The following DOCK3 variants were observed in gnomAD, a reference collection of about 807,000 sequenced individuals.
DOCK3 encodes the protein dedicator of cytokinesis protein 3.
Under a neutral mutation model 265.6 loss-of-function variants are expected in DOCK3, and 60 were observed. That is an observed-to-expected ratio of 0.23 (90% confidence interval 0.18 to 0.28). The LOEUF (loss-of-function observed/expected upper bound fraction) is 0.28, where lower values mean the gene tolerates loss of function less well. Ranked by LOEUF, DOCK3 falls within the 10% of genes least tolerant of loss-of-function variation. DOCK3 has a pLI of 1.00. For synonymous variants in DOCK3, 881 were observed against 938.0 expected (o/e 0.94, Z 1.11); for missense variants, 1,981 against 2,594.3 (o/e 0.76, Z 5.14).
chr3:51,269,732 G>A (rs1000543311), intron 23 of DOCK3, among the ~76,000 whole-genome samples: 10 of 152,220 alleles, frequency 6.6e-5, no homozygotes, highest in Admixed American at 5.2e-4. Flanking sequence ...GGACTGAGAA[G>A]TGAAAAGTCT....
intron 5 of DOCK3, among the ~76,000 whole-genome samples, chr3:50,994,394 C>T (rs950332719): frequency 2.0e-5 from 3 of 152,134 alleles, no homozygotes; most frequent in African/African-American, 7.2e-5. Flanking sequence ...GTAAAGGAAA[C>T]TCTGACATAG....
intron 27 of DOCK3, among the ~76,000 whole-genome samples, chr3:51,307,268 AC>A (rs2082735908): frequency 6.6e-6 from 1 of 152,084 alleles, no homozygotes; most frequent in Admixed American, 6.5e-5. Flanking sequence ...GGCATGCACC[AC>A]CACATGCAGC....
At chr3:50,762,786 C>T (rs770636629) in intron 1 of DOCK3, among the ~76,000 whole-genome samples, 16 of 151,978 alleles carry the variant, frequency 1.1e-4, no homozygotes, top group Non-Finnish European at 2.1e-4. Context: ...ATAAATCCCG[C>T]TTCATCATGT....
At chr3:50,706,510 T>C (rs1341409792) in intron 1 of DOCK3, among the ~76,000 whole-genome samples, 3 of 152,218 alleles carry the variant, frequency 2.0e-5, no homozygotes, top group Admixed American at 6.5e-5. Context: ...TTTTTCTTGC[T>C]GTTTTTAGAA....
At chr3:51,093,211 T>G (rs993405098) in intron 9 of DOCK3, among the ~76,000 whole-genome samples, 1 of 152,220 alleles carries the variant, frequency 6.6e-6, no homozygotes, top group Non-Finnish European at 1.5e-5. Flanking sequence ...TCTAATTCTG[T>G]GAAGAAAGTC....
At chr3:50,737,813 T>TTTCA (rs1336879344) in intron 1 of DOCK3, among the ~76,000 whole-genome samples, 8 of 152,234 alleles carry the variant, frequency 5.3e-5, no homozygotes, top group Non-Finnish European at 1.2e-4. Flanking sequence ...ATTTTCCTTA[T>TTTCA]TTCATTCAGT....
chr3:50,984,601 T>A (rs2077825038), intron 5 of DOCK3, among the ~76,000 whole-genome samples: 1 of 152,216 alleles, frequency 6.6e-6, no homozygotes, highest in Non-Finnish European at 1.5e-5. Flanking sequence ...CCACTGTTAG[T>A]CTGATGGGGG....
chr3:51,365,393 C>T (rs1474097680), intron 49 of DOCK3, among the ~76,000 whole-genome samples: 1 of 152,192 alleles, frequency 6.6e-6, no homozygotes. Context: ...TGGGCTGAGA[C>T]AGTGGGGTTT....
At chr3:50,724,268 A>G (rs2037670864) in intron 1 of DOCK3, among the ~76,000 whole-genome samples, 1 of 152,230 alleles carries the variant, frequency 6.6e-6, no homozygotes, top group Non-Finnish European at 1.5e-5. Context: ...TAGTTAAGCC[A>G]CTGTGGAAGA....
intron 5 of DOCK3, among the ~76,000 whole-genome samples, chr3:50,975,571 A>G (rs1230739709): frequency 3.3e-5 from 5 of 150,846 alleles, no homozygotes; most frequent in South Asian, 4.2e-4. Context: ...TTTTGCATCA[A>G]TGTTCATCAA....
At chr3:50,785,679 A>G (rs748555080) in intron 2 of DOCK3, among the ~76,000 whole-genome samples, 1 of 152,062 alleles carries the variant, frequency 6.6e-6, no homozygotes, top group Non-Finnish European at 1.5e-5. Flanking sequence ...ATCATGGTGG[A>G]TTATCTTTTA....
In DOCK3 at chr3:50,861,619, G is replaced by A. The variant is rs1420284492; in HGVS notation, c.162+19904G>A. On this transcript the variant is annotated intron_variant, in intron 3 of 52. Coordinates refer to ENST00000266037, the MANE Select transcript of DOCK3 (RefSeq NM_004947.5). The stretch of plus-strand genomic sequence containing the variant: ...TCCTGGGTGGTATGATATTGGGTGT[G>A]TATATATTTGAGATAGTTAAATCTT... Among the ~76,000 whole-genome samples the A allele has an allele frequency of 7.2e-5, 11 of 152,096 alleles. No individual in the cohort carries two copies. In the East Asian group the frequency reaches 1.9e-3, roughly 27 times the overall value.
At chr3:51,339,146 C>A in intron 37 of DOCK3, 118 bp downstream of exon 37, 1 of 824,364 alleles carries the variant, frequency 1.2e-6, no homozygotes, top group Non-Finnish European at 1.8e-6. Context: ...AATGTTGGGG[C>A]TTGTGCTATC....
At position 50,680,541 on chromosome 3, in the gene DOCK3, C is replaced by T. The variant is rs1200374686; in HGVS notation, c.37+5241C>T. Among the ~76,000 whole-genome samples, 9 of 119,210 alleles carry T rather than the reference C, an allele frequency of 7.5e-5. No homozygotes were observed. The East Asian group carries it at 1.5e-3, about 20-fold the overall frequency. The allele number at this position is 119,210 out of a possible 152,430, so 78.2% of individuals were successfully genotyped here. ...TTTTTTTTTTTTTTTTTTTTTAAGACGAGGTCTTGCTATGTCACCCAGGCT... is the reference window on the plus strand; with the variant it reads ...TTTTTTTTTTTTTTTTTTTTTAAGATGAGGTCTTGCTATGTCACCCAGGCT... On this transcript the variant is annotated intron_variant, in intron 1 of 52. Transcript: ENST00000266037.
At chr3:51,016,556 T>TTATATATATATTTA (rs1559944141) in intron 5 of DOCK3, among the ~76,000 whole-genome samples, 2 of 3,308 alleles carry the variant, frequency 6.0e-4, no homozygotes, top group Admixed American at 4.3e-3. Flanking sequence ...TTTATATATA[T>TTATATATATATTTA]CATATATTAT....
intron 2 of DOCK3, among the ~76,000 whole-genome samples, chr3:50,840,768 A>C (rs2045784379): frequency 6.6e-6 from 1 of 152,166 alleles, no homozygotes; most frequent in Admixed American, 6.5e-5. Flanking sequence ...GAGAAATGAG[A>C]CTCAAGATAT....
chr3:50,919,603 A>C (rs1222478299), intron 4 of DOCK3, among the ~76,000 whole-genome samples: 1 of 152,196 alleles, frequency 6.6e-6, no homozygotes, highest in East Asian at 1.9e-4. Flanking sequence ...TTGATTTTGT[A>C]TCCTGAGACT....
In DOCK3 at chr3:51,369,592, G is replaced by C. The variant is rs185650430; in HGVS notation, c.5294-4877G>C. Among the ~76,000 whole-genome samples, 24 of 152,070 alleles carry C rather than the reference G, an allele frequency of 1.6e-4. 1 individual carries two copies. The highest frequency in any genetic ancestry group is 1.6e-3 in the Admixed American group (24 of 15,278). The stretch of plus-strand genomic sequence containing the variant: ...GTAATAGCACAAATGTATGACTTGG[G>C]AAGTCATTAAGAAAAGAAGCTCTCT... On this transcript the variant is annotated intron_variant, in intron 49 of 52. Transcript: ENST00000266037.
chr3:50,785,691 T>C (rs566830372), intron 2 of DOCK3, among the ~76,000 whole-genome samples: 29 of 152,348 alleles, frequency 1.9e-4, no homozygotes, highest in African/African-American at 6.5e-4. Flanking sequence ...TATCTTTTAA[T>C]ATACTGTTGG....
Sources: gnomAD v4.1 joint callset for allele counts (sites outside exome capture counted in the v4.1 genomes callset) on GRCh38, gnomAD v4.1.1 for gene constraint, MANE v1.5 for transcripts, NCBI Gene and HGNC (gene_info 2026-07-23, HGNC 2026-07-21) for gene names.